Variants in COMMD1 observed in about 807,000 individuals in gnomAD.
COMMD1 encodes the protein COMM domain-containing protein 1.
In COMMD1, 10 loss-of-function variants were observed where a neutral mutation model predicts 17.2. The observed-to-expected ratio is 0.58, with a 90% CI of 0.36 to 0.99. The LOEUF is 0.99. COMMD1 is among the 50% of genes least tolerant of loss of function. COMMD1 has a pLI of 0.01. For synonymous variants in COMMD1, 97 were observed against 91.6 expected (o/e 1.06, Z -0.34); for missense variants, 270 against 231.8 (o/e 1.17, Z -1.07).
chr2:62,010,518 T>C (rs1198621545), intron 2 of COMMD1, among the ~76,000 whole-genome samples: 1 of 152,206 alleles, frequency 6.6e-6, no homozygotes, highest in Non-Finnish European at 1.5e-5. Context: ...AAATTTCAGA[T>C]ACATATTTAT....
At chr2:62,100,485 T>C (rs1672146263) in intron 2 of COMMD1, 1 of 152,198 alleles carries the variant, frequency 6.6e-6, no homozygotes, top group Non-Finnish European at 1.5e-5. Flanking sequence ...GTATGAGACT[T>C]CGATCAAATA....
intron 2 of COMMD1, among the ~76,000 whole-genome samples, chr2:62,022,024 A>G (rs983227993): frequency 6.6e-6 from 1 of 152,170 alleles, no homozygotes; most frequent in Non-Finnish European, 1.5e-5. Context: ...TTTGGCATCA[A>G]ATCTAAGAAT....
intron 2 of COMMD1, among the ~76,000 whole-genome samples, chr2:62,130,652 G>C (rs1241864366): frequency 6.6e-6 from 1 of 152,136 alleles, no homozygotes; most frequent in Non-Finnish European, 1.5e-5. Flanking sequence ...ATATAGGACT[G>C]TTGTTTTATT....
intron 1 of COMMD1, among the ~76,000 whole-genome samples, chr2:61,955,306 CTCTCTT>C (rs1158934327): frequency 1.4e-5 from 2 of 140,358 alleles, no homozygotes; most frequent in African/African-American, 2.9e-5. Context: ...AAGTTCCTCT[CTCTCTT>C]TCTCTCTCTC....
At chr2:61,996,999 G>A (rs1668775987) in intron 1 of COMMD1, among the ~76,000 whole-genome samples, 1 of 151,888 alleles carries the variant, frequency 6.6e-6, no homozygotes, top group African/African-American at 2.4e-5. Flanking sequence ...ATTCTGCCTG[G>A]ATCCATTAGA....
At chr2:61,966,297 T>C (rs1671503046) in intron 1 of COMMD1, among the ~76,000 whole-genome samples, 2 of 152,174 alleles carry the variant, frequency 1.3e-5, no homozygotes, top group Admixed American at 1.3e-4. Flanking sequence ...TATTACATAG[T>C]AGGTGTACAT....
rs148452527 is a variant in COMMD1 at position 62,110,553 on chromosome 2, G to A, written c.463-25278G>A. ...CTTTTCTGACATCCCGTTTCTCCTT[G>A]AGTTCTGACAGAAGTGAAGAGTGAT... On this transcript the variant is annotated intron_variant, in intron 2 of 2. Coordinates refer to ENST00000311832, the MANE Select transcript of COMMD1 (RefSeq NM_152516.4). Among the ~76,000 whole-genome samples, 83 of 152,228 alleles carry A rather than the reference G, an allele frequency of 5.5e-4. 1 individual carries two copies. In the East Asian group the frequency reaches 0.01, roughly 19 times the overall value.
At position 62,068,455 on chromosome 2, in the gene COMMD1, A is replaced by G. The variant is rs373783107; in HGVS notation, c.463-67376A>G. 8.5e-5 allele frequency among the ~76,000 whole-genome samples: 13 copies of G among 152,314 alleles called. No individual in the cohort carries two copies. The South Asian group carries it at 1.4e-3, about 17-fold the overall frequency. On this transcript the variant is annotated intron_variant, in intron 2 of 2. Transcript: ENST00000311832. The stretch of plus-strand genomic sequence containing the variant: ...TATAACACCAAAAACATGATCCATA[A>G]AAGAAAAGTAATAAATTAGACTTCA...
At chr2:62,045,132 G>T (rs575605801) in intron 2 of COMMD1, among the ~76,000 whole-genome samples, 1 of 152,258 alleles carries the variant, frequency 6.6e-6, no homozygotes, top group African/African-American at 2.4e-5. Flanking sequence ...TGGACAGTTT[G>T]GTGGATGGGG....
intron 2 of COMMD1, among the ~76,000 whole-genome samples, chr2:62,132,133 C>G (rs1234359428): frequency 1.3e-5 from 2 of 149,370 alleles, no homozygotes; most frequent in East Asian, 4.0e-4. Flanking sequence ...CTGATCTGCC[C>G]GCCTTGGCTT....
chr2:61,912,415 C>G (rs1394512388), intron 1 of COMMD1, among the ~76,000 whole-genome samples: 1 of 152,170 alleles, frequency 6.6e-6, no homozygotes, highest in Non-Finnish European at 1.5e-5. Flanking sequence ...TGGGACTAAT[C>G]TGGCCTGTTG....
intron 1 of COMMD1, among the ~76,000 whole-genome samples, chr2:61,945,962 C>A (rs1373895940): frequency 2.0e-5 from 3 of 152,178 alleles, no homozygotes; most frequent in Non-Finnish European, 4.4e-5. Context: ...TTAAAGTCTG[C>A]ATTAATGTTG....
At chr2:61,961,065 G>A (rs1268060255) in intron 1 of COMMD1, among the ~76,000 whole-genome samples, 1 of 152,212 alleles carries the variant, frequency 6.6e-6, no homozygotes, top group East Asian at 1.9e-4. Context: ...TGCCCTAGAG[G>A]GGAAAGGGAG....
At chr2:61,997,799 C>G (rs1668806665) in intron 1 of COMMD1, among the ~76,000 whole-genome samples, 1 of 152,162 alleles carries the variant, frequency 6.6e-6, no homozygotes, top group African/African-American at 2.4e-5. Context: ...TCAGCCTGTC[C>G]TTTGAAGCTA....
chr2:62,053,486 A>G (rs1670598582), intron 2 of COMMD1, among the ~76,000 whole-genome samples: 1 of 152,178 alleles, frequency 6.6e-6, no homozygotes, highest in African/African-American at 2.4e-5. Context: ...TTTGAGGCTA[A>G]TGAGCTGAGG....
At chr2:62,057,124 A>G (rs1670726914) in intron 2 of COMMD1, among the ~76,000 whole-genome samples, 2 of 152,108 alleles carry the variant, frequency 1.3e-5, no homozygotes, top group Admixed American at 6.6e-5. Flanking sequence ...AAACAAGTTC[A>G]GGGCTCCCAC....
intron 2 of COMMD1, among the ~76,000 whole-genome samples, chr2:62,075,090 T>C (rs1449676017): frequency 6.6e-6 from 1 of 152,004 alleles, no homozygotes; most frequent in African/African-American, 2.4e-5. Context: ...GGTTTCGCCA[T>C]GTAGACCAGG....
chr2:62,032,131 C>T (rs1669924160), intron 2 of COMMD1, among the ~76,000 whole-genome samples: 1 of 152,136 alleles, frequency 6.6e-6, no homozygotes, highest in Admixed American at 6.5e-5. Flanking sequence ...GTAGAAAAGA[C>T]TCAGAATATG....
At chr2:61,895,383 T>G (rs1669530701) in intron 1 of COMMD1, among the ~76,000 whole-genome samples, 1 of 152,182 alleles carries the variant, frequency 6.6e-6, no homozygotes, top group Non-Finnish European at 1.5e-5. Flanking sequence ...GCAGACTCGT[T>G]GATCGAGGTT....
Sources: allele counts gnomAD v4.1 joint callset (sites outside exome capture counted in the v4.1 genomes callset), GRCh38; gene constraint gnomAD v4.1.1; transcripts MANE v1.5; gene names NCBI Gene and HGNC (gene_info 2026-07-23, HGNC 2026-07-21).